Variants in HELZ observed in about 807,000 individuals in gnomAD.
HELZ encodes ATP-dependent RNA helicase with zinc finger domain.
A neutral mutation model predicts 218.2 loss-of-function variants in HELZ; 23 were observed. The ratio of observed to expected loss-of-function variants is 0.11; its 90% CI spans 0.08 to 0.15. The LOEUF (loss-of-function observed/expected upper bound fraction) is 0.15. HELZ is among the 10% of genes least tolerant of loss of function. The pLI, the probability that HELZ is intolerant of heterozygous loss-of-function variation, is 1.00. For missense variants in HELZ, 1,813 were observed against 2,353.7 expected (o/e 0.77, Z 4.75); for synonymous variants, 814 against 829.4 (o/e 0.98, Z 0.32).
At chr17:67,105,593 GC>G (rs1418593612) in intron 31 of HELZ, among the ~76,000 whole-genome samples, 1 of 152,090 alleles carries the variant, frequency 6.6e-6, no homozygotes, top group Non-Finnish European at 1.5e-5. Flanking sequence ...ATTTAAAATG[GC>G]TAAAATGGTG....
intron 23 of HELZ, among the ~76,000 whole-genome samples, chr17:67,135,348 T>C (rs1214649268): frequency 1.3e-5 from 2 of 152,150 alleles, no homozygotes; most frequent in Admixed American, 6.5e-5. Flanking sequence ...CACTAAGGGA[T>C]ATAAAAGTTA....
At chr17:67,176,163 A>T (rs187371693) in intron 13 of HELZ, among the ~76,000 whole-genome samples, 4 of 152,340 alleles carry the variant, frequency 2.6e-5, no homozygotes, top group Admixed American at 2.0e-4. Context: ...ATCAGCTGTT[A>T]GTCTACCAAC....
At chr17:67,152,406 G>T (rs2038712622) in intron 17 of HELZ, among the ~76,000 whole-genome samples, 1 of 152,148 alleles carries the variant, frequency 6.6e-6, no homozygotes, top group South Asian at 2.1e-4. Context: ...TGGTAGCTTG[G>T]ATTAGGCCAA....
chr17:67,215,809 A>G (rs1479684360), intron 5 of HELZ, 90 bp downstream of exon 5: 2 of 876,230 alleles, frequency 2.3e-6, no homozygotes, highest in East Asian at 2.6e-5. Flanking sequence ...CTTTTCAAAC[A>G]TTATCATCAT....
chr17:67,172,606 TTTTTG>T (rs1308131963), intron 13 of HELZ, among the ~76,000 whole-genome samples: 4 of 152,252 alleles, frequency 2.6e-5, no homozygotes, highest in African/African-American at 7.2e-5. Context: ...TTTTAATAGT[TTTTTG>T]TTTTGTTTTG....
At chr17:67,143,989 A>C (rs2038415273) in intron 21 of HELZ, among the ~76,000 whole-genome samples, 1 of 152,160 alleles carries the variant, frequency 6.6e-6, no homozygotes, top group Admixed American at 6.5e-5. Context: ...CTAATAGTGG[A>C]ATGTAAACTC....
At chr17:67,173,195 T>C (rs1290841934) in intron 13 of HELZ, 1 of 172,190 alleles carries the variant, frequency 5.8e-6, no homozygotes, top group Non-Finnish European at 1.2e-5. Context: ...GTTATAGCTA[T>C]ACTAATAATT....
At chr17:67,097,146 G>A (rs1255636270) in intron 31 of HELZ, among the ~76,000 whole-genome samples, 2 of 152,230 alleles carry the variant, frequency 1.3e-5, no homozygotes, top group African/African-American at 4.8e-5. Flanking sequence ...CAATGGAGCA[G>A]TCAGAATACA....
intron 31 of HELZ, among the ~76,000 whole-genome samples, chr17:67,092,809 A>G (rs1160770717): frequency 1.3e-5 from 2 of 151,990 alleles, no homozygotes; most frequent in Admixed American, 6.6e-5. Context: ...TACTAAAAAT[A>G]TAAGAATTAG....
intron 6 of HELZ, among the ~76,000 whole-genome samples, chr17:67,202,651 T>C (rs1202549020): frequency 2.0e-5 from 3 of 152,238 alleles, no homozygotes; most frequent in African/African-American, 4.8e-5. Flanking sequence ...AAACATTTTA[T>C]GAAATAAATT....
At chr17:67,089,714 G>C (rs1276937838) in intron 31 of HELZ, among the ~76,000 whole-genome samples, 1 of 140,186 alleles carries the variant, frequency 7.1e-6, no homozygotes, top group Non-Finnish European at 1.5e-5. Context: ...GAGAGACAGA[G>C]AGAGAGACAG....
chr17:67,102,298 A>T (rs1406900137), intron 31 of HELZ, among the ~76,000 whole-genome samples: 1 of 152,212 alleles, frequency 6.6e-6, no homozygotes, highest in Non-Finnish European at 1.5e-5. Context: ...ATACATTCAC[A>T]TCTATAAATG....
At chr17:67,170,022 A>G (rs2039261477) in intron 13 of HELZ, among the ~76,000 whole-genome samples, 1 of 152,228 alleles carries the variant, frequency 6.6e-6, no homozygotes, top group African/African-American at 2.4e-5. Flanking sequence ...CCACATCCTG[A>G]CACACTGGAA....
chr17:67,158,950 CTT>C (rs2038921023), intron 17 of HELZ, among the ~76,000 whole-genome samples: 1 of 152,140 alleles, frequency 6.6e-6, no homozygotes, highest in Non-Finnish European at 1.5e-5. Context: ...TTTGAGGGGG[CTT>C]TACTCCACTG....
intron 13 of HELZ, among the ~76,000 whole-genome samples, chr17:67,178,281 T>C (rs950842883): frequency 1.2e-4 from 19 of 152,322 alleles, no homozygotes; most frequent in African/African-American, 3.4e-4. Flanking sequence ...TTTCAAAATA[T>C]GTGGTCTCTT....
chr17:67,245,251 CCCGCCTCCCGCCGCCGGCGCCG>C, upstream of HELZ: 1 of 975,754 alleles, frequency 1.0e-6, no homozygotes, highest in Non-Finnish European at 1.2e-6. Flanking sequence ...GCCCCCGACT[CCCGCCTCCCGCCGCCGGCGCCG>C]CCCCCTCCGG....
rs376310316 is a variant in HELZ at position 67,094,535 on chromosome 17, C to CA, written c.5242-7455dup. Among the ~76,000 whole-genome samples, 781 of 152,192 alleles carry CA rather than the reference C, an allele frequency of 5.1e-3. 7 individuals are homozygous for CA. The highest frequency in any genetic ancestry group is 0.018 in the African/African-American group (742 of 41,502). On this transcript the variant is annotated intron_variant, in intron 31 of 32. Transcript: ENST00000358691. ...CAGCTAATACTGCAATAATGTGAGTCACGTAAATTTTTTGGTTTTCCAGTG... is the reference window on the plus strand; with the variant it reads ...CAGCTAATACTGCAATAATGTGAGTCAACGTAAATTTTTTGGTTTTCCAGTG...
chr17:67,215,506 G>A (rs919464069), intron 5 of HELZ, among the ~76,000 whole-genome samples: 1 of 151,984 alleles, frequency 6.6e-6, no homozygotes, highest in South Asian at 2.1e-4. Flanking sequence ...GCGCCGCCAC[G>A]CCCAGCTAAT....
chr17:67,086,861 G>T lies in HELZ; in HGVS notation c.5462C>A (p.Ser1821Tyr), dbSNP rs2036409117. ...TPYQNIPCNGSSRTAQPRELI... is the reference protein window; with the variant it reads ...TPYQNIPCNGYSRTAQPRELI... ...CTCTCTGGGCTGAGCTGTCCTGCTG[G>T]ATCCATTGCACGGAATGTTCTGATA... The change falls in exon 32 of 33, where the codon TCC becomes TAC. Residue 1821 changes from serine (S) to tyrosine (Y), a missense_variant. Ser to Tyr is a moderately radical substitution (Grantham distance 144). Transcript: ENST00000358691. The T allele has an allele frequency of 1.9e-6, 3 of 1,613,384 alleles. No individual in the cohort carries two copies. The highest frequency in any genetic ancestry group is 1.1e-5 in the South Asian group (1 of 91,060).
Sources: allele counts gnomAD v4.1 joint callset (sites outside exome capture counted in the v4.1 genomes callset), GRCh38; gene constraint gnomAD v4.1.1; transcripts MANE v1.5; gene names NCBI Gene and HGNC (gene_info 2026-07-23, HGNC 2026-07-21).